KCNH8: variants seen among roughly 807,000 people sequenced by gnomAD.
KCNH8 encodes potassium voltage-gated channel subfamily H member 8.
In KCNH8, 70 loss-of-function variants were observed where a neutral mutation model predicts 103.6. The observed-to-expected ratio is 0.68, with a 90% CI of 0.56 to 0.82. The LOEUF (loss-of-function observed/expected upper bound fraction) is 0.82. KCNH8 is among the 40% of genes least tolerant of loss of function. KCNH8 has a pLI of 0.00. For synonymous variants in KCNH8, 498 were observed against 489.4 expected (o/e 1.02, Z -0.23); for missense variants, 1,217 against 1,329.9 (o/e 0.92, Z 1.32).
At chr3:19,269,836 A>G (rs1176930613) in intron 2 of KCNH8, among the ~76,000 whole-genome samples, 1 of 152,136 alleles carries the variant, frequency 6.6e-6, no homozygotes, top group East Asian at 1.9e-4. Flanking sequence ...AGGAGAGTTA[A>G]TTATATGCTC....
chr3:19,161,494 T>A (rs2063233945), intron 1 of KCNH8, among the ~76,000 whole-genome samples: 1 of 152,218 alleles, frequency 6.6e-6, no homozygotes, highest in African/African-American at 2.4e-5. Flanking sequence ...TTGTTATTAG[T>A]AACAGCACTT....
At chr3:19,287,623 G>T (rs1035177236) in intron 3 of KCNH8, among the ~76,000 whole-genome samples, 1 of 151,968 alleles carries the variant, frequency 6.6e-6, no homozygotes, top group Non-Finnish European at 1.5e-5. Flanking sequence ...GTCTTGCTCT[G>T]TTGCCAGGCT....
At chr3:19,410,325 T>C (rs1040450238) in intron 7 of KCNH8, among the ~76,000 whole-genome samples, 1 of 152,014 alleles carries the variant, frequency 6.6e-6, no homozygotes, top group South Asian at 2.1e-4. Flanking sequence ...GGCAGAAATT[T>C]CAAAATTATT....
intron 3 of KCNH8, among the ~76,000 whole-genome samples, chr3:19,315,377 ACT>A (rs1199318556): frequency 1.3e-5 from 2 of 151,864 alleles, no homozygotes; most frequent in Non-Finnish European, 2.9e-5. Context: ...AGTTGCCTGC[ACT>A]CTCTGTGATA....
intron 5 of KCNH8, among the ~76,000 whole-genome samples, chr3:19,364,620 G>T (rs79644537): frequency 6.6e-6 from 1 of 151,988 alleles, no homozygotes; most frequent in Non-Finnish European, 1.5e-5. Flanking sequence ...CAGATTCCCA[G>T]TGAGGTGTAA....
chr3:19,164,531 C>T (rs779346599), intron 1 of KCNH8, among the ~76,000 whole-genome samples: 7 of 152,120 alleles, frequency 4.6e-5, no homozygotes, highest in Non-Finnish European at 8.8e-5. Context: ...TGTCAAAAGT[C>T]ACACATTTTG....
intron 1 of KCNH8, among the ~76,000 whole-genome samples, chr3:19,197,690 C>T (rs558258576): frequency 4.6e-5 from 7 of 151,142 alleles, no homozygotes; most frequent in East Asian, 2.0e-4. Flanking sequence ...CTAGGAAGAC[C>T]GTGAGAGTTC....
intron 11 of KCNH8, among the ~76,000 whole-genome samples, chr3:19,463,032 T>C (rs189539426): frequency 6.6e-6 from 1 of 152,294 alleles, no homozygotes; most frequent in East Asian, 1.9e-4. Flanking sequence ...TTTCTTATCA[T>C]AACTCCCTAA....
In KCNH8 at chr3:19,272,299, G is replaced by A. The variant is rs1345179725; in HGVS notation, c.311-8899G>A. On this transcript the variant is annotated intron_variant, in intron 2 of 15. Transcript: ENST00000328405. ...TTTGAGGTACAATGACAAGAAGAAG[G>A]GGGCATAGATGATATTCTGCCAAAA... Among the ~76,000 whole-genome samples, 5 of 151,892 alleles carry A rather than the reference G, an allele frequency of 3.3e-5. No homozygotes were observed. The East Asian group carries it at 9.8e-4, about 30-fold the overall frequency.
intron 1 of KCNH8, among the ~76,000 whole-genome samples, chr3:19,175,496 C>A (rs1049603443): frequency 6.6e-6 from 1 of 152,040 alleles, no homozygotes; most frequent in Non-Finnish European, 1.5e-5. Flanking sequence ...GGCGTGAGCC[C>A]CCGCGCCCGG....
intron 1 of KCNH8, among the ~76,000 whole-genome samples, chr3:19,252,550 G>T (rs767148768): frequency 6.6e-6 from 1 of 151,582 alleles, no homozygotes; most frequent in Non-Finnish European, 1.5e-5. Context: ...CCACCATGCC[G>T]GGCTAATTTT....
At chr3:19,485,694 T>C (rs760586479) in intron 11 of KCNH8, among the ~76,000 whole-genome samples, 1 of 152,158 alleles carries the variant, frequency 6.6e-6, no homozygotes, top group Non-Finnish European at 1.5e-5. Context: ...GAGGGAGTAA[T>C]GGGGCTGCTA....
At chr3:19,187,968 C>G (rs943900247) in intron 1 of KCNH8, among the ~76,000 whole-genome samples, 11 of 151,930 alleles carry the variant, frequency 7.2e-5, no homozygotes, top group Non-Finnish European at 1.6e-4. Context: ...TATACACGTA[C>G]CAGCGTCACC....
At chr3:19,414,263 T>A (rs1177243322) in intron 7 of KCNH8, among the ~76,000 whole-genome samples, 1 of 152,106 alleles carries the variant, frequency 6.6e-6, no homozygotes, top group Non-Finnish European at 1.5e-5. Context: ...GGAAAGGAGA[T>A]ACTCAAATGT....
At chr3:19,217,353 T>C (rs904329082) in intron 1 of KCNH8, among the ~76,000 whole-genome samples, 5 of 152,228 alleles carry the variant, frequency 3.3e-5, no homozygotes, top group Admixed American at 1.3e-4. Context: ...TGAGTAGTTA[T>C]GATTAGCATA....
chr3:19,501,227 G>C (rs1189827078), intron 11 of KCNH8, among the ~76,000 whole-genome samples: 1 of 151,734 alleles, frequency 6.6e-6, no homozygotes, highest in Non-Finnish European at 1.5e-5. Context: ...ACTAAACCAG[G>C]AAGAAGTTGA....
At chr3:19,185,487 T>G (rs1385739525) in intron 1 of KCNH8, among the ~76,000 whole-genome samples, 1 of 151,918 alleles carries the variant, frequency 6.6e-6, no homozygotes, top group East Asian at 1.9e-4. Flanking sequence ...ATTTACTGAG[T>G]TATGAGAGTT....
At position 19,346,265 on chromosome 3, in the gene KCNH8, A is replaced by G. The variant is rs555210965; in HGVS notation, c.571-1460A>G. ...CAGCCCGAATTTTTATGAGAAGCCC[A>G]ACGGGGCTACTTCATCTCCCCTTCT... On this transcript the variant is annotated intron_variant, in intron 4 of 15. Transcript: ENST00000328405. 2.0e-5 allele frequency among the ~76,000 whole-genome samples: 3 copies of G among 152,200 alleles called. No homozygotes were observed. The South Asian group carries it at 6.2e-4, about 32-fold the overall frequency.
Position 19,379,029 on chromosome 3 carries a change from G to A in KCNH8, c.812-11452G>A, listed in dbSNP as rs76770975. Among the ~76,000 whole-genome samples, 872 of 150,954 alleles carry A rather than the reference G, an allele frequency of 5.8e-3. 11 individuals carry two copies. The highest frequency in any genetic ancestry group is 0.02 in the African/African-American group (835 of 41,504). On this transcript the variant is annotated intron_variant, in intron 5 of 15. Coordinates refer to ENST00000328405, the MANE Select transcript of KCNH8 (RefSeq NM_144633.3). ...TGTTCATTAAAGGTACCACATAAAA[G>A]TAAGAAGAAAAATAGTAAGCAGCTT...
Sources: gnomAD v4.1 joint callset for allele counts (sites outside exome capture counted in the v4.1 genomes callset) on GRCh38, gnomAD v4.1.1 for gene constraint, MANE v1.5 for transcripts, NCBI Gene and HGNC (gene_info 2026-07-23, HGNC 2026-07-21) for gene names.